Variants in IL1RAPL2 observed in about 807,000 individuals in gnomAD.
IL1RAPL2 encodes the protein X-linked interleukin-1 receptor accessory protein-like 2.
A neutral mutation model predicts 44.1 loss-of-function variants in IL1RAPL2; 3 were observed. The observed-to-expected ratio is 0.07, with a 90% CI of 0.03 to 0.18. The LOEUF is 0.18. IL1RAPL2 is among the 10% of genes least tolerant of loss of function. The probability of loss-of-function intolerance (pLI) is 1.00; values close to 1 mark genes in which losing one functional copy is unlikely to be tolerated. For missense variants in IL1RAPL2, 391 were observed against 496.4 expected, an observed-to-expected ratio of 0.79 and a Z score of 2.02; for synonymous variants, 181 against 178.8, an observed-to-expected ratio of 1.01 and a Z score of -0.10.
At chrX:105,546,881 G>A (rs1010099442) in intron 6 of IL1RAPL2, among the ~76,000 whole-genome samples, 2 of 112,091 alleles carry the variant, frequency 1.8e-5, no homozygotes, top group East Asian at 2.8e-4. Flanking sequence ...GTTGATTATT[G>A]TCAGTGAAGT....
At chrX:105,457,307 G>C (rs1452414292) in intron 5 of IL1RAPL2, among the ~76,000 whole-genome samples, 1 of 111,363 alleles carries the variant, frequency 9.0e-6, no homozygotes, top group African/African-American at 3.3e-5. Context: ...GTGGCACTAA[G>C]TGTATTCACA....
intron 2 of IL1RAPL2, among the ~76,000 whole-genome samples, chrX:104,670,393 G>T (rs1365336574): frequency 9.0e-6 from 1 of 111,390 alleles, no homozygotes; most frequent in Non-Finnish European, 1.9e-5. Context: ...TTCTAGTTCT[G>T]CTGGCAGTTG....
chrX:105,013,284 T>A (rs1201029610), intron 2 of IL1RAPL2, among the ~76,000 whole-genome samples: 2 of 110,755 alleles, frequency 1.8e-5, no homozygotes, highest in Non-Finnish European at 3.8e-5. Flanking sequence ...GATCTCTGGC[T>A]TGAGTTCCAT....
intron 2 of IL1RAPL2, among the ~76,000 whole-genome samples, chrX:105,188,894 CTCTG>C (rs1282204798): frequency 1.8e-5 from 2 of 111,875 alleles, no homozygotes; most frequent in Non-Finnish European, 3.8e-5. Flanking sequence ...ATGACAAAAG[CTCTG>C]TCTGTACTTC....
chrX:105,472,537 A>G (rs767237319), intron 5 of IL1RAPL2, among the ~76,000 whole-genome samples: 1 of 111,673 alleles, frequency 9.0e-6, no homozygotes, highest in South Asian at 3.8e-4. Flanking sequence ...GTGCTTTGTA[A>G]ATTCAGTTAA....
At chrX:104,864,209 T>A (rs1922558742) in intron 2 of IL1RAPL2, among the ~76,000 whole-genome samples, 1 of 112,193 alleles carries the variant, frequency 8.9e-6, no homozygotes, top group Non-Finnish European at 1.9e-5. Context: ...CATCTTTTCC[T>A]TTCAATTTTA....
chrX:105,406,496 C>G (rs772710154), intron 5 of IL1RAPL2: 1 of 1,200,115 alleles, frequency 8.3e-7, no homozygotes, highest in African/African-American at 1.8e-5. Context: ...GGAATTTGTC[C>G]GATTTTTTGC....
intron 1 of IL1RAPL2, among the ~76,000 whole-genome samples, chrX:104,585,166 T>C (rs374066272): frequency 1.6e-5 from 1 of 64,433 alleles, no homozygotes; most frequent in African/African-American, 7.9e-5. Flanking sequence ...TATACACACA[T>C]ATGTATATAT....
intron 4 of IL1RAPL2, among the ~76,000 whole-genome samples, chrX:105,239,879 G>A (rs1045731063): frequency 2.1e-4 from 23 of 111,611 alleles, no homozygotes; most frequent in African/African-American, 5.6e-4. Context: ...ACATTGTGAC[G>A]TAATAATCTG....
chrX:105,113,620 T>C (rs1319043156), intron 2 of IL1RAPL2, among the ~76,000 whole-genome samples: 1 of 112,117 alleles, frequency 8.9e-6, no homozygotes, highest in Admixed American at 9.4e-5. Context: ...CTCCACTGAA[T>C]GGTACCTTGC....
intron 10 of IL1RAPL2, among the ~76,000 whole-genome samples, chrX:105,758,208 A>C (rs2038655852): frequency 8.9e-6 from 1 of 111,800 alleles, no homozygotes. Flanking sequence ...ATGAAAGCAG[A>C]CTTCATAAAA....
intron 2 of IL1RAPL2, among the ~76,000 whole-genome samples, chrX:105,003,864 G>A (rs2030895099): frequency 9.0e-6 from 1 of 111,326 alleles, no homozygotes; most frequent in Admixed American, 9.6e-5. Context: ...AATAATAATT[G>A]ACATTAAAGT....
rs765413437 is a variant in IL1RAPL2, at chrX:104,904,008, C to A, written c.82+245013C>A. Among the ~76,000 whole-genome samples, 3 of 111,594 alleles carry A rather than the reference C, an allele frequency of 2.7e-5. No individual in the cohort carries two copies. The South Asian group carries it at 1.1e-3, about 42-fold the overall frequency. ...AGATCATTCTGGTTCTAAACTTTCA[C>A]CTGTAGTTTGGATTGTTGAGTCCAA... On this transcript the variant is annotated intron_variant, in intron 2 of 10. Coordinates refer to ENST00000372582, the MANE Select transcript of IL1RAPL2 (RefSeq NM_017416.2).
chrX:105,037,190 T>G (rs750143547), intron 2 of IL1RAPL2, among the ~76,000 whole-genome samples: 11 of 111,847 alleles, frequency 9.8e-5, no homozygotes, highest in African/African-American at 3.2e-4. Context: ...ATTATCTTGA[T>G]GTCAGAATTG....
At chrX:104,874,990 TA>T (rs1377773011) in intron 2 of IL1RAPL2, among the ~76,000 whole-genome samples, 1 of 111,674 alleles carries the variant, frequency 9.0e-6, no homozygotes, top group African/African-American at 3.3e-5. Context: ...GATCATTTTC[TA>T]TGGTGAATTT....
intron 2 of IL1RAPL2, among the ~76,000 whole-genome samples, chrX:104,789,294 C>T (rs765282155): frequency 8.9e-6 from 1 of 111,751 alleles, no homozygotes; most frequent in Admixed American, 9.5e-5. Flanking sequence ...GCCCTCATCC[C>T]TCCCTCTTCC....
intron 2 of IL1RAPL2, among the ~76,000 whole-genome samples, chrX:104,949,369 G>A (rs1316990458): frequency 1.8e-5 from 2 of 110,938 alleles, no homozygotes; most frequent in African/African-American, 6.6e-5. Context: ...CAAAAAACCA[G>A]CTCCTGGATT....
chrX:105,316,083 G>A (rs1340675079), intron 5 of IL1RAPL2, among the ~76,000 whole-genome samples: 1 of 110,620 alleles, frequency 9.0e-6, no homozygotes, highest in African/African-American at 3.3e-5. Context: ...AGACCAGCCT[G>A]GCCAACATGG....
intron 2 of IL1RAPL2, among the ~76,000 whole-genome samples, chrX:104,827,618 T>C (rs765361411): frequency 2.5e-4 from 28 of 110,980 alleles, no homozygotes; most frequent in African/African-American, 9.2e-4. Context: ...GTTGCTCTTC[T>C]CGAGGAGTAT....
Sources: allele counts gnomAD v4.1 joint callset (sites outside exome capture counted in the v4.1 genomes callset), GRCh38; gene constraint gnomAD v4.1.1; transcripts MANE v1.5; gene names NCBI Gene and HGNC (gene_info 2026-07-23, HGNC 2026-07-21).